AHRR: variants seen among roughly 807,000 people sequenced by gnomAD.
AHRR encodes the protein ahR repressor.
A neutral mutation model predicts 44.0 loss-of-function variants in AHRR; 28 were observed. That is an observed-to-expected ratio of 0.64 (90% CI 0.47 to 0.87). AHRR has a LOEUF of 0.87. AHRR is among the 40% of genes least tolerant of loss of function. The probability of loss-of-function intolerance (pLI) is 0.00; values close to 1 mark genes in which losing one functional copy is unlikely to be tolerated. For missense variants in AHRR, 990 were observed against 953.9 expected, an observed-to-expected ratio of 1.04 and a Z score of -0.50; for synonymous variants, 434 against 407.0, an observed-to-expected ratio of 1.07 and a Z score of -0.80.
intron 4 of AHRR, among the ~76,000 whole-genome samples, chr5:380,601 T>C (rs777424848): frequency 3.3e-5 from 5 of 152,256 alleles, no homozygotes; most frequent in Non-Finnish European, 7.3e-5. Flanking sequence ...ATGAGACTTT[T>C]TTAATTTCAA....
chr5:385,178 T>G (rs927305230), intron 4 of AHRR, among the ~76,000 whole-genome samples: 1 of 150,596 alleles, frequency 6.6e-6, no homozygotes, highest in Non-Finnish European at 1.5e-5. Flanking sequence ...TATTTATCGT[T>G]TTTTTTTTTC....
At chr5:348,984 C>T (rs996439219) in intron 2 of AHRR, among the ~76,000 whole-genome samples, 1 of 152,184 alleles carries the variant, frequency 6.6e-6, no homozygotes, top group Admixed American at 6.5e-5. Context: ...GCGTGGTGTG[C>T]TCAGCCTTCT....
chr5:354,288 G>A (rs1035942084), intron 3 of AHRR, among the ~76,000 whole-genome samples: 80 of 152,212 alleles, frequency 5.3e-4, no homozygotes, highest in African/African-American at 1.9e-3. Flanking sequence ...CACAGACCCC[G>A]GCTCCAGGGA....
chr5:434,741 T>C lies in AHRR; in HGVS notation c.2001T>C (p.Thr667=). The C allele has an allele frequency of 5.1e-6, 8 of 1,569,334 alleles. No homozygotes were observed. Among genetic ancestry groups the C allele is most frequent in the Non-Finnish European group, 6.9e-6 (8 of 1,156,950 alleles). ...CCTTGGACTCACCCCAGTGGGCTAC[T>C]CACAGCCAGGGAATGGTGCCCGGGA... ...REPLDSPQWA[T]HSQGMVPGML... is the part of the protein sequence containing the mutation. The change falls in exon 11 of 11, where the codon ACT becomes ACC. Residue 667 remains threonine, a synonymous_variant. Transcript: ENST00000684583.
At chr5:322,800 T>C (rs2671914) in intron 1 of AHRR, 1 of 152,092 alleles carries the variant, frequency 6.6e-6, no homozygotes, top group Non-Finnish European at 1.5e-5. Flanking sequence ...TAACAAGAAC[T>C]GGAGAACGTA....
intron 3 of AHRR, among the ~76,000 whole-genome samples, chr5:369,354 TC>T (rs1743485957): frequency 6.6e-6 from 1 of 152,216 alleles, no homozygotes; most frequent in Non-Finnish European, 1.5e-5. Flanking sequence ...CTGAGGGCTC[TC>T]CGGGCACAGT....
At chr5:408,406 T>G (rs1735354446) in intron 4 of AHRR, among the ~76,000 whole-genome samples, 1 of 152,160 alleles carries the variant, frequency 6.6e-6, no homozygotes, top group Non-Finnish European at 1.5e-5. Context: ...GGAATAATTG[T>G]TGAATTTCAT....
At chr5:396,387 T>C (rs1734707191) in intron 4 of AHRR, among the ~76,000 whole-genome samples, 1 of 152,060 alleles carries the variant, frequency 6.6e-6, no homozygotes, top group South Asian at 2.1e-4. Flanking sequence ...CTGGGGTCTG[T>C]GTGTCTGGGG....
At chr5:416,432 G>A (rs1296067101) in intron 5 of AHRR, among the ~76,000 whole-genome samples, 1 of 152,272 alleles carries the variant, frequency 6.6e-6, no homozygotes, top group African/African-American at 2.4e-5. Context: ...ACCACAGAGT[G>A]ACATCGCTCT....
In AHRR at chr5:434,620, A is replaced by C. The variant is rs1560927746; in HGVS notation, c.1880A>C (p.Gln627Pro). The C allele has an allele frequency of 1.3e-6, 2 of 1,562,646 alleles. No individual in the cohort carries two copies. The highest frequency in any genetic ancestry group is 1.7e-6 in the Non-Finnish European group (2 of 1,153,652). Residue 627 changes from glutamine to proline, a missense_variant, in exon 11 of 11, where the codon CAG becomes CCG. By Grantham distance (76) the Gln-to-Pro change is moderately conservative. Transcript: ENST00000684583. Reference protein sequence around the residue: ...ACLEPTDGLPQSEPPHQLCAR... With the variant: ...ACLEPTDGLPPSEPPHQLCAR... ...CTGGAGCCCACAGACGGCCTTCCCC[A>C]GTCGGAGCCTCCCCACCAGCTCTGT...
Position 434,771 on chromosome 5 carries a change from G to A in AHRR, c.2031G>A (p.Leu677=). Residue 677 remains leucine (L), a synonymous_variant, in exon 11 of 11, where the codon TTG becomes TTA. Coordinates refer to ENST00000684583, the MANE Select transcript of AHRR (RefSeq NM_001377236.1). ...GCCAGGGAATGGTGCCCGGGATGTT[G>A]CCCAAAAGTGCCTTGGCCACGCTGG... The part of the protein sequence containing the change: ...THSQGMVPGM[L]PKSALATLVP... 6.4e-7 allele frequency: 1 copy of A among 1,559,332 alleles called. No individual in the cohort carries two copies. The highest frequency in any genetic ancestry group is 8.7e-7 in the Non-Finnish European group (1 of 1,151,414).
At chr5:345,917 C>T (rs894691700) in intron 2 of AHRR, among the ~76,000 whole-genome samples, 1 of 152,118 alleles carries the variant, frequency 6.6e-6, no homozygotes, top group African/African-American at 2.4e-5. Flanking sequence ...ATCCCATGTC[C>T]CGCAGGGAGA....
intron 1 of AHRR, among the ~76,000 whole-genome samples, chr5:331,393 T>C (rs2672736): frequency 0.66 from 100,832 of 151,712 alleles, 34,152 homozygotes; most frequent in African/African-American, 0.74. Context: ...TATTAGTGTT[T>C]TCCTTTTTCA....
intron 5 of AHRR, among the ~76,000 whole-genome samples, chr5:421,661 C>T (rs566063878): frequency 5.3e-5 from 8 of 152,302 alleles, no homozygotes; most frequent in African/African-American, 1.4e-4. Flanking sequence ...CTCTGTTCAC[C>T]GCTTTCTGTG....
Position 433,975 on chromosome 5 carries a change from C to G in AHRR, c.1235C>G (p.Ala412Gly), listed in dbSNP as rs1464819793. 6.4e-7 allele frequency: 1 copy of G among 1,567,220 alleles called. No individual in the cohort carries two copies. Among genetic ancestry groups the G allele is most frequent in the African/African-American group, 1.4e-5 (1 of 73,994 alleles). The stretch of plus-strand genomic sequence containing the variant: ...GCGGGAAAGCACAGTGAGGATGGTG[C>G]CAGGCCGAGGCTGCAGCCCAGCAAG... The part of the protein sequence containing the change: ...WTAGKHSEDG[A>G]RPRLQPSKND... The change falls in exon 11 of 11, where the codon GCC becomes GGC. Residue 412 changes from alanine (A) to glycine (G), a missense_variant. By Grantham distance (60) the Ala-to-Gly change is moderately conservative. Coordinates refer to ENST00000684583, the MANE Select transcript of AHRR (RefSeq NM_001377236.1).
At chr5:341,046 G>A (rs1033329364) in intron 1 of AHRR, among the ~76,000 whole-genome samples, 7 of 146,170 alleles carry the variant, frequency 4.8e-5, no homozygotes, top group African/African-American at 1.0e-4. Context: ...GCCAAATCTC[G>A]CTATGTCGCC....
chr5:433,797 C>T, intron 10 of AHRR, 56 bp from the exon 11 acceptor site: 3 of 1,439,536 alleles, frequency 2.1e-6, no homozygotes, highest in Non-Finnish European at 2.7e-6. Context: ...CCACCCAGGG[C>T]AGCCAGACCT....
intron 4 of AHRR, among the ~76,000 whole-genome samples, chr5:403,107 G>A (rs377017873): frequency 2.0e-5 from 3 of 152,150 alleles, no homozygotes; most frequent in South Asian, 4.1e-4. Flanking sequence ...ACGACTCTGC[G>A]GAGTGAAACA....
chr5:429,278 A>G (rs150019250), intron 8 of AHRR, among the ~76,000 whole-genome samples: 90 of 131,870 alleles, frequency 6.8e-4, no homozygotes, highest in Non-Finnish European at 1.1e-3. Flanking sequence ...CCAGGATGCC[A>G]GAGATCCAAC....
Sources: allele counts gnomAD v4.1 joint callset (sites outside exome capture counted in the v4.1 genomes callset), GRCh38; gene constraint gnomAD v4.1.1; transcripts MANE v1.5; gene names NCBI Gene and HGNC (gene_info 2026-07-23, HGNC 2026-07-21).